The following MTUS2 variants were observed in gnomAD, a reference collection of about 807,000 sequenced individuals.
MTUS2 encodes the protein microtubule associated scaffold protein 2, also known as microtubule-associated tumor suppressor candidate 2.
A neutral mutation model predicts 114.1 loss-of-function variants in MTUS2; 40 were observed. The observed-to-expected ratio is 0.35, with a 90% CI of 0.27 to 0.46. MTUS2 has a LOEUF of 0.46. Ranked by LOEUF, MTUS2 falls within the 20% of genes least tolerant of loss-of-function variation. MTUS2 has a pLI of 1.00. For synonymous variants in MTUS2, 688 were observed against 672.0 expected, an observed-to-expected ratio of 1.02 and a Z score of -0.37; for missense variants, 1,679 against 1,705.4, an observed-to-expected ratio of 0.98 and a Z score of 0.27.
At chr13:29,115,619 G>A (rs1040472455) in intron 5 of MTUS2, among the ~76,000 whole-genome samples, 1 of 152,128 alleles carries the variant, frequency 6.6e-6, no homozygotes, top group African/African-American at 2.4e-5. Flanking sequence ...TAAAGATAAC[G>A]TATCTTTGTA....
intron 2 of MTUS2, among the ~76,000 whole-genome samples, chr13:28,976,593 C>T (rs76306204): frequency 1.3e-5 from 2 of 151,928 alleles, no homozygotes; most frequent in Non-Finnish European, 2.9e-5. Context: ...GGATGAGGAG[C>T]TACAGAATAA....
At chr13:29,007,049 T>C (rs1228916532) in intron 2 of MTUS2, among the ~76,000 whole-genome samples, 2 of 152,206 alleles carry the variant, frequency 1.3e-5, no homozygotes, top group Admixed American at 1.3e-4. Context: ...CAATCTGTTG[T>C]GTTCCTAGAC....
At chr13:29,213,938 AT>A (rs753284474) in intron 5 of MTUS2, among the ~76,000 whole-genome samples, 9 of 137,890 alleles carry the variant, frequency 6.5e-5, no homozygotes, top group African/African-American at 1.1e-4. Flanking sequence ...TTATGATTCC[AT>A]TTTTTTTTGT....
intron 4 of MTUS2, among the ~76,000 whole-genome samples, chr13:29,038,521 G>C (rs1030036727): frequency 2.6e-5 from 4 of 152,220 alleles, no homozygotes; most frequent in African/African-American, 9.6e-5. Context: ...ATGGAGTTCA[G>C]GGACCCACTT....
Position 29,059,413 on chromosome 13 carries a change from G to A in MTUS2, c.2446+25288G>A, listed in dbSNP as rs116875742. 6.1e-4 allele frequency among the ~76,000 whole-genome samples: 93 copies of A among 152,122 alleles called. No homozygotes were observed. The East Asian group carries it at 9.1e-3, about 15-fold the overall frequency. ...CACAAGGCTCCCTGATGCAGGAGTC[G>A]CAGTTGGCAGACAGGCCATATCCTT... On this transcript the variant is annotated intron_variant, in intron 4 of 15. Coordinates refer to ENST00000612955, the MANE Select transcript of MTUS2 (RefSeq NM_001033602.4).
chr13:29,089,169 AT>A (rs1177998408), intron 4 of MTUS2, among the ~76,000 whole-genome samples: 4 of 152,166 alleles, frequency 2.6e-5, no homozygotes, highest in Non-Finnish European at 5.9e-5. Context: ...TTTCCCTAGA[AT>A]TTGCTTGTCT....
chr13:29,475,255 T>C (rs1566222824), intron 9 of MTUS2, among the ~76,000 whole-genome samples: 1 of 152,232 alleles, frequency 6.6e-6, no homozygotes, highest in Non-Finnish European at 1.5e-5. Flanking sequence ...TTTGTGGTGA[T>C]GCTGGTATAA....
intron 8 of MTUS2, among the ~76,000 whole-genome samples, chr13:29,412,828 G>A (rs1875362090): frequency 1.3e-5 from 2 of 152,084 alleles, no homozygotes; most frequent in South Asian, 4.1e-4. Flanking sequence ...GGAGTTCAAG[G>A]TTATGCTGAG....
chr13:29,399,820 AAATT>A (rs376050711), intron 8 of MTUS2, among the ~76,000 whole-genome samples: 1 of 152,370 alleles, frequency 6.6e-6, no homozygotes, highest in African/African-American at 2.4e-5. Context: ...AAGTAAATGA[AAATT>A]AAAGCCATAA....
chr13:29,391,411 C>T (rs1396600956), intron 8 of MTUS2, among the ~76,000 whole-genome samples: 4 of 152,194 alleles, frequency 2.6e-5, no homozygotes. Context: ...AGTGGATGTT[C>T]ACCATGTAAA....
intron 6 of MTUS2, among the ~76,000 whole-genome samples, chr13:29,288,775 C>G (rs1178315167): frequency 1.3e-5 from 2 of 152,194 alleles, no homozygotes; most frequent in East Asian, 3.9e-4. Flanking sequence ...TGCCCCTCCA[C>G]TACCTACTGA....
chr13:28,856,641 T>C (rs771422873), intron 2 of MTUS2, among the ~76,000 whole-genome samples: 8 of 152,200 alleles, frequency 5.3e-5, no homozygotes, highest in Admixed American at 6.5e-5. Flanking sequence ...ACTCTGCCGC[T>C]TATCTGGGGA....
At chr13:28,830,163 C>T (rs1398971982) in intron 1 of MTUS2, among the ~76,000 whole-genome samples, 1 of 152,092 alleles carries the variant, frequency 6.6e-6, no homozygotes, top group African/African-American at 2.4e-5. Flanking sequence ...ATAGTAGCAA[C>T]AAATATAACA....
chr13:28,857,832 A>G (rs1876731997), intron 2 of MTUS2, among the ~76,000 whole-genome samples: 1 of 152,224 alleles, frequency 6.6e-6, no homozygotes, highest in South Asian at 2.1e-4. Flanking sequence ...AGCATTACCC[A>G]TCATCATCTA....
chr13:29,168,512 C>T (rs928148560), intron 5 of MTUS2, among the ~76,000 whole-genome samples: 1 of 152,278 alleles, frequency 6.6e-6, no homozygotes, highest in African/African-American at 2.4e-5. Flanking sequence ...AGATAAATAA[C>T]TAACAACTAC....
At chr13:29,385,895 G>A (rs9550466) in intron 8 of MTUS2, among the ~76,000 whole-genome samples, 26,493 of 152,086 alleles carry the variant, frequency 0.17, 3,455 homozygotes, top group African/African-American at 0.37. Flanking sequence ...GAAGTGAACT[G>A]TCTCTCTGTC....
At chr13:29,159,058 G>C (rs1349492801) in intron 5 of MTUS2, among the ~76,000 whole-genome samples, 1 of 152,210 alleles carries the variant, frequency 6.6e-6, no homozygotes, top group Admixed American at 6.5e-5. Context: ...CTTTAAAAAT[G>C]ATGTGAAAGA....
intron 5 of MTUS2, among the ~76,000 whole-genome samples, chr13:29,128,281 A>T (rs923756013): frequency 1.3e-5 from 2 of 152,188 alleles, no homozygotes; most frequent in Non-Finnish European, 2.9e-5. Flanking sequence ...ATAATGTTCA[A>T]TGAGGAGTGA....
intron 2 of MTUS2, among the ~76,000 whole-genome samples, chr13:28,927,944 A>C (rs907735185): frequency 6.6e-6 from 1 of 152,122 alleles, no homozygotes; most frequent in Non-Finnish European, 1.5e-5. Context: ...CAGATAGAGA[A>C]CCCAGAAATA....
Sources: allele counts gnomAD v4.1 joint callset (sites outside exome capture counted in the v4.1 genomes callset), GRCh38; gene constraint gnomAD v4.1.1; transcripts MANE v1.5; gene names NCBI Gene and HGNC (gene_info 2026-07-23, HGNC 2026-07-21).